AKR1C2: variants seen among roughly 807,000 people sequenced by gnomAD.
AKR1C2 encodes the protein 3-alpha-HSD3.
Under a neutral mutation model 39.8 loss-of-function variants are expected in AKR1C2, and 27 were observed. That is an observed-to-expected ratio of 0.68 (90% CI 0.50 to 0.93). The LOEUF (loss-of-function observed/expected upper bound fraction) is 0.93, where lower values mean the gene tolerates loss of function less well. Among genes scored for constraint, AKR1C2 ranks in the 40% least tolerant of loss-of-function variants. The pLI is 0.00. For missense variants in AKR1C2, 263 were observed against 365.1 expected (o/e 0.72, Z 2.28); for synonymous variants, 114 against 137.9 (o/e 0.83, Z 1.22).
intron 2 of AKR1C2, 99 bp downstream of exon 2, chr10:5,001,415 G>A (rs1837266929): frequency 6.6e-7 from 1 of 1,520,328 alleles, no homozygotes; most frequent in Non-Finnish European, 8.8e-7. Flanking sequence ...AAATAAATAA[G>A]CACAATTCAC....
intron 8 of AKR1C2, among the ~76,000 whole-genome samples, 184 bp downstream of exon 8, chr10:4,991,647 G>C (rs1836849735): frequency 7.0e-6 from 1 of 143,840 alleles, no homozygotes; most frequent in Non-Finnish European, 1.5e-5. Flanking sequence ...GCTGACCCCA[G>C]GCCACTCTCC....
In AKR1C2 at chr10:4,991,645, C is replaced by A. The variant is rs201759252; in HGVS notation, c.929+186G>T. Among the ~76,000 whole-genome samples the A allele has an allele frequency of 0.2, 29,765 of 145,642 alleles. 3,050 individuals are homozygous for A. Among genetic ancestry groups the A allele is most frequent in the East Asian group, 0.31 (1,475 of 4,826 alleles). On this transcript the variant is annotated intron_variant, in intron 8 of 8. Coordinates refer to ENST00000380753, the MANE Select transcript of AKR1C2 (RefSeq NM_001393392.1). ...GGCACAGGTTGACCCATGCTGACCC[C>A]AGGCCACTCTCCCTGCCAGAGAACA...
upstream of AKR1C2, among the ~76,000 whole-genome samples, chr10:5,006,867 C>CA (rs1196243904): frequency 2.6e-5 from 4 of 151,624 alleles, no homozygotes; most frequent in South Asian, 2.1e-4. Flanking sequence ...CTCTTTCTCC[C>CA]GGTTCAAGCA....
At chr10:4,996,968 G>A (rs1274613794) in intron 5 of AKR1C2, among the ~76,000 whole-genome samples, 3 of 152,024 alleles carry the variant, frequency 2.0e-5, no homozygotes, top group Admixed American at 6.5e-5. Flanking sequence ...GTGAAAATTT[G>A]TCATGGGAAT....
chr10:5,017,580 T>C (rs1365410276), intron 1 of AKR1C2, among the ~76,000 whole-genome samples: 23 of 152,170 alleles, frequency 1.5e-4, no homozygotes, highest in Admixed American at 1.4e-3. Flanking sequence ...ATTGTTCATA[T>C]CCCTATCAGC....
At chr10:5,008,692 G>C (rs1837459051), upstream of AKR1C2, among the ~76,000 whole-genome samples, 2 of 152,186 alleles carry the variant, frequency 1.3e-5, no homozygotes, top group Non-Finnish European at 1.5e-5. Context: ...GGACAGAAGT[G>C]GGATGTCCTT....
At chr10:5,006,750 C>T (rs762245499), upstream of AKR1C2, among the ~76,000 whole-genome samples, 83 of 135,652 alleles carry the variant, frequency 6.1e-4, no homozygotes, top group Non-Finnish European at 1.2e-3. Context: ...AAAATTTCAC[C>T]GAATCCATAT....
upstream of AKR1C2, among the ~76,000 whole-genome samples, chr10:5,005,597 C>T (rs556495607): frequency 2.3e-4 from 35 of 152,196 alleles, no homozygotes; most frequent in South Asian, 4.1e-4. Flanking sequence ...GCAGAGGAAT[C>T]GCTTGAACCC....
At chr10:4,993,905 C>A (rs1836927715) in intron 7 of AKR1C2, among the ~76,000 whole-genome samples, 1 of 150,878 alleles carries the variant, frequency 6.6e-6, no homozygotes, top group Admixed American at 6.6e-5. Context: ...CATAACTTTT[C>A]ATTTTTGTTT....
intron 1 of AKR1C2, among the ~76,000 whole-genome samples, chr10:5,014,196 G>GTCTA (rs143870980): frequency 6.8e-6 from 1 of 147,252 alleles, no homozygotes; most frequent in African/African-American, 2.5e-5. Context: ...TCAAAAACAT[G>GTCTA]TTTTAGTTTC....
intron 3 of AKR1C2, 195 bp downstream of exon 3, chr10:5,000,355 A>G: frequency 6.5e-7 from 1 of 1,543,112 alleles, no homozygotes; most frequent in South Asian, 1.2e-5. Flanking sequence ...TTTCTTGTAG[A>G]CATGCAATCA....
At chr10:5,004,716 C>T (rs1388796753), upstream of AKR1C2, 1 of 148,702 alleles carries the variant, frequency 6.7e-6, no homozygotes, top group East Asian at 2.0e-4. Flanking sequence ...ATAATCCTCA[C>T]ATGGGATAAT....
chr10:5,012,602 A>T (rs1195989288), intron 1 of AKR1C2, among the ~76,000 whole-genome samples: 1 of 152,030 alleles, frequency 6.6e-6, no homozygotes, highest in African/African-American at 2.4e-5. Flanking sequence ...AATGGCCCAG[A>T]ATAGCATTTT....
intron 7 of AKR1C2, among the ~76,000 whole-genome samples, chr10:4,993,681 A>G (rs1367029272): frequency 7.9e-5 from 12 of 152,072 alleles, no homozygotes; most frequent in African/African-American, 2.4e-4. Context: ...GAATATGACA[A>G]CGCAGATAAA....
intron 1 of AKR1C2, among the ~76,000 whole-genome samples, chr10:5,012,525 G>C (rs559614328): frequency 1.3e-5 from 2 of 150,338 alleles, no homozygotes; most frequent in Non-Finnish European, 2.9e-5. Context: ...ATCCTAAGAT[G>C]CCATGCAGTT....
upstream of AKR1C2, among the ~76,000 whole-genome samples, chr10:5,007,837 T>C (rs1308564187): frequency 2.0e-5 from 3 of 151,820 alleles, no homozygotes; most frequent in African/African-American, 7.3e-5. Context: ...AGGCAGTGGT[T>C]GAACAATCTC....
At chr10:5,006,288 T>C (rs1554774380), upstream of AKR1C2, among the ~76,000 whole-genome samples, 1 of 152,196 alleles carries the variant, frequency 6.6e-6, no homozygotes, top group East Asian at 1.9e-4. Flanking sequence ...TCAAAGAGAC[T>C]CAGACCTATA....
At chr10:4,997,468 A>G (rs1442558314) in intron 5 of AKR1C2, 3 of 192,838 alleles carry the variant, frequency 1.6e-5, no homozygotes, top group African/African-American at 7.1e-5. Context: ...ACATGCTTTG[A>G]GAGGTCTCTA....
At chr10:5,012,157 C>G (rs1383912109) in intron 1 of AKR1C2, among the ~76,000 whole-genome samples, 2 of 151,920 alleles carry the variant, frequency 1.3e-5, no homozygotes, top group South Asian at 2.1e-4. Flanking sequence ...TTCATTATAT[C>G]TGAGATGAAA....
Sources: gnomAD v4.1 joint callset for allele counts (sites outside exome capture counted in the v4.1 genomes callset) on GRCh38, gnomAD v4.1.1 for gene constraint, MANE v1.5 for transcripts, NCBI Gene and HGNC (gene_info 2026-07-23, HGNC 2026-07-21) for gene names.